Variants in AKR1C4 observed in about 807,000 individuals in gnomAD.
AKR1C4 encodes aldo-keto reductase family 1 member C4, also known as 3-alpha-HSD1.
In AKR1C4, 44 loss-of-function variants were observed where a neutral mutation model predicts 41.0. That is an observed-to-expected ratio of 1.07 (90% confidence interval 0.84 to 1.38). The LOEUF is 1.38. AKR1C4 is among the 40% of genes most tolerant of loss of function. AKR1C4 has a pLI of 0.00. For missense variants in AKR1C4, 438 were observed against 387.9 expected, an observed-to-expected ratio of 1.13 and a Z score of -1.09; for synonymous variants, 165 against 137.7, an observed-to-expected ratio of 1.20 and a Z score of -1.39.
chr10:5,202,396 CT>C, intron 2 of AKR1C4: 2 of 424,650 alleles, frequency 4.7e-6, no homozygotes, highest in Admixed American at 2.6e-5. Context: ...GTCGGAGGAG[CT>C]TTTTGGATGA....
At chr10:5,207,824 C>G in intron 5 of AKR1C4, 1 of 292,020 alleles carries the variant, frequency 3.4e-6, no homozygotes. Flanking sequence ...TGTCTACAGC[C>G]TAGTTTTCCT....
At chr10:5,212,780 G>T (rs1358973066) in intron 6 of AKR1C4, 55 bp downstream of exon 6, 1 of 1,563,338 alleles carries the variant, frequency 6.4e-7, no homozygotes, top group African/African-American at 1.4e-5. Context: ...AAAAATTTTA[G>T]TTATAGCATA....
chr10:5,202,593 G>T (rs2132126277), intron 2 of AKR1C4: 7 of 337,626 alleles, frequency 2.1e-5, no homozygotes, highest in Middle Eastern at 9.9e-4. Context: ...CAGTTTTCAG[G>T]GGAATGCTTT....
intron 7 of AKR1C4, among the ~76,000 whole-genome samples, chr10:5,214,856 G>T: frequency 6.6e-6 from 1 of 152,124 alleles, no homozygotes; most frequent in Non-Finnish European, 1.5e-5. Flanking sequence ...AGCAATGAGT[G>T]ACATCTTTTT....
chr10:5,207,377 A>T, intron 5 of AKR1C4: 1 of 302,804 alleles, frequency 3.3e-6, no homozygotes, highest in Non-Finnish European at 6.7e-6. Context: ...GTCACTTTTC[A>T]CTCCTGAGAT....
At chr10:5,207,750 T>C in intron 5 of AKR1C4, 1 of 438,252 alleles carries the variant, frequency 2.3e-6, no homozygotes, top group Non-Finnish European at 4.4e-6. Flanking sequence ...AAAAGATGAA[T>C]ATGATACCTT....
chr10:5,210,559 A>G (rs1247059597), intron 5 of AKR1C4, among the ~76,000 whole-genome samples: 1 of 151,890 alleles, frequency 6.6e-6, no homozygotes, highest in Non-Finnish European at 1.5e-5. Flanking sequence ...AGGCGTTTCT[A>G]TACATCCTCT....
rs554283078 is a variant in AKR1C4, at chr10:5,218,864, C to G, written c.*104C>G. ...CTGGACACACAGCCTCTGGTTAAAT[C>G]CCTCCCCTCCTGCTTGGCAACTTCA... On this transcript the variant is annotated 3_prime_UTR_variant, in exon 9 of 9. Transcript: ENST00000263126. 382 of 1,074,568 alleles carry G rather than the reference C, an allele frequency of 3.6e-4. 3 individuals carry two copies. The African/African-American group carries it at 5.2e-3, about 15-fold the overall frequency. 66.6% of individuals were successfully genotyped at this position (1,074,568 alleles called of 1,614,324 possible). A position where few individuals can be genotyped will look rare whatever the true frequency, so the allele number is the denominator to read the frequency against.
chr10:5,197,593 G>T (rs1285609120), intron 1 of AKR1C4, among the ~76,000 whole-genome samples: 1 of 152,214 alleles, frequency 6.6e-6, no homozygotes. Context: ...ATATGCATCA[G>T]ATTTGTATCA....
At chr10:5,208,384 T>G (rs1305499456) in intron 5 of AKR1C4, among the ~76,000 whole-genome samples, 1 of 151,606 alleles carries the variant, frequency 6.6e-6, no homozygotes, top group Non-Finnish European at 1.5e-5. Flanking sequence ...GGTTTTAATA[T>G]TAGTTTTACT....
chr10:5,211,879 C>T (rs1832580265), intron 5 of AKR1C4, among the ~76,000 whole-genome samples: 1 of 152,178 alleles, frequency 6.6e-6, no homozygotes, highest in Non-Finnish European at 1.5e-5. Flanking sequence ...TCATGTCTTA[C>T]ATGGACAGCA....
Position 5,200,475 on chromosome 10 carries a change from T to G in AKR1C4, c.252+127T>G. 2.1e-6 allele frequency: 3 copies of G among 1,429,610 alleles called. No individual in the cohort carries two copies. In the African/African-American group the frequency reaches 4.3e-5, roughly 20 times the overall value. The allele number at this position is 1,429,610 out of a possible 1,614,324, so 88.6% of individuals were successfully genotyped here. On this transcript the variant is annotated intron_variant, in intron 2 of 8. Coordinates refer to ENST00000263126, the MANE Select transcript of AKR1C4 (RefSeq NM_001818.5). ...ATTAGTTCCAATTTATTCACACATA[T>G]TCAGGTATTAAAGCTAAAATAAAAG...
intron 8 of AKR1C4, 142 bp from the exon 9 acceptor site, chr10:5,218,576 C>A: frequency 5.4e-6 from 3 of 551,754 alleles, no homozygotes; most frequent in Non-Finnish European, 9.4e-6. Flanking sequence ...AACTCATGTT[C>A]ATGAAAGACA....
chr10:5,211,934 C>T (rs782589797), intron 5 of AKR1C4, among the ~76,000 whole-genome samples: 39 of 152,132 alleles, frequency 2.6e-4, no homozygotes, highest in Non-Finnish European at 5.6e-4. Flanking sequence ...TTTTTAAAAT[C>T]ATTAGATCTT....
chr10:5,202,881 A>G (rs1338009479), intron 2 of AKR1C4, among the ~76,000 whole-genome samples: 1 of 146,180 alleles, frequency 6.8e-6, no homozygotes, highest in Non-Finnish European at 1.5e-5. Flanking sequence ...GTTAGCTAGT[A>G]TTTTCTTGAG....
chr10:5,210,102 T>C (rs975354619), intron 5 of AKR1C4, among the ~76,000 whole-genome samples: 27 of 152,144 alleles, frequency 1.8e-4, no homozygotes, highest in African/African-American at 6.5e-4. Context: ...CTGTTTCATG[T>C]GGGAGAAATG....
Position 5,212,753 on chromosome 10 carries a change from A to G in AKR1C4, c.680+28A>G, listed in dbSNP as rs568324784. 7.8e-5 allele frequency: 124 copies of G among 1,596,066 alleles called. No homozygotes were observed. In the Middle Eastern group the frequency reaches 1.3e-3, roughly 17 times the overall value. ...AATAAGAGCATCAGGAAGTTTACCT[A>G]AAATGCCATTTTGATGAAAAATTTT... On this transcript the variant is annotated intron_variant, in intron 6 of 8. Coordinates refer to ENST00000263126, the MANE Select transcript of AKR1C4 (RefSeq NM_001818.5).
Position 5,196,947 on chromosome 10 carries a change from C to T in AKR1C4, c.80C>T (p.Pro27Leu), listed in dbSNP as rs546674834. ...TTGGGATTTGGCACCTATGCACCTC[C>T]AGAGGTAATAATCACATTTTCAGCA... Reference protein sequence around the residue: ...PVLGFGTYAPPEVPRNRAVEV... With the variant: ...PVLGFGTYAPLEVPRNRAVEV... The change falls in exon 1 of 9, where the codon CCA becomes CTA. Residue 27 changes from proline to leucine, a missense_variant. Physicochemically the swap from Pro to Leu is moderately conservative, Grantham distance 98. Coordinates refer to ENST00000263126, the MANE Select transcript of AKR1C4 (RefSeq NM_001818.5). 6.2e-7 allele frequency: 1 copy of T among 1,613,728 alleles called. No individual in the cohort carries two copies. The highest frequency in any genetic ancestry group is 1.7e-5 in the Admixed American group (1 of 60,014).
rs782380419 is a variant in AKR1C4, at chr10:5,213,156, C to T, written c.843C>T (p.Ile281=). ...ATGAGCAGCGGATCAGAGAGAACAT[C>T]CAGGTGAGGAGTTGGGTGGGCATCA... The part of the protein sequence containing the change: ...SYNEQRIREN[I]QVFEFQLTSE... Residue 281 remains isoleucine (I), a synonymous_variant, in exon 7 of 9, where the codon ATC becomes ATT. Transcript: ENST00000263126. The T allele has an allele frequency of 3.1e-6, 5 of 1,613,288 alleles. No individual in the cohort carries two copies. In the South Asian group the frequency reaches 4.4e-5, roughly 14 times the overall value.
Sources: gnomAD v4.1 joint callset for allele counts (sites outside exome capture counted in the v4.1 genomes callset) on GRCh38, gnomAD v4.1.1 for gene constraint, MANE v1.5 for transcripts, NCBI Gene and HGNC (gene_info 2026-07-23, HGNC 2026-07-21) for gene names.